The following SLC4A4 variants were observed in gnomAD, a reference collection of about 807,000 sequenced individuals.
SLC4A4 encodes solute carrier family 4 member 4, also known as electrogenic sodium bicarbonate cotransporter 1.
Under a neutral mutation model 111.5 loss-of-function variants are expected in SLC4A4, and 27 were observed. The ratio of observed to expected loss-of-function variants is 0.24; its 90% CI spans 0.18 to 0.33. SLC4A4 has a LOEUF of 0.33. Among genes scored for constraint, SLC4A4 ranks in the 10% least tolerant of loss-of-function variants. SLC4A4 has a pLI of 1.00. For missense variants in SLC4A4, 909 were observed against 1,315.5 expected (o/e 0.69, Z 4.78); for synonymous variants, 443 against 463.4 (o/e 0.96, Z 0.57).
At chr4:71,428,443 G>A (rs1338371414) in intron 7 of SLC4A4, among the ~76,000 whole-genome samples, 1 of 152,010 alleles carries the variant, frequency 6.6e-6, no homozygotes, top group African/African-American at 2.4e-5. Flanking sequence ...GGACAATAGG[G>A]TAAACTGGGA....
chr4:71,369,114 C>T (rs770679605), intron 6 of SLC4A4, among the ~76,000 whole-genome samples: 10 of 152,150 alleles, frequency 6.6e-5, no homozygotes, highest in Admixed American at 3.3e-4. Context: ...CCGAGTGCGG[C>T]GCACTCCCAG....
At chr4:71,312,727 T>C (rs893704959) in intron 3 of SLC4A4, among the ~76,000 whole-genome samples, 1 of 152,190 alleles carries the variant, frequency 6.6e-6, no homozygotes, top group Non-Finnish European at 1.5e-5. Flanking sequence ...CAACACCCCT[T>C]CATACTAAAA....
At chr4:71,103,004 G>T (rs1480039063) in intron 2 of SLC4A4, among the ~76,000 whole-genome samples, 3 of 149,674 alleles carry the variant, frequency 2.0e-5, no homozygotes, top group Admixed American at 6.6e-5. Context: ...AGACCCATCA[G>T]TGTGCTGTAT....
At chr4:71,097,730 A>G (rs1742599218) in intron 2 of SLC4A4, among the ~76,000 whole-genome samples, 1 of 152,054 alleles carries the variant, frequency 6.6e-6, no homozygotes, top group South Asian at 2.1e-4. Flanking sequence ...GATTGGTGTA[A>G]GGTGGTATTT....
Position 71,194,589 on chromosome 4 carries a change from T to C in SLC4A4, c.-2+7188T>C, listed in dbSNP as rs547353059. 4.6e-5 allele frequency among the ~76,000 whole-genome samples: 7 copies of C among 152,312 alleles called. No individual in the cohort carries two copies. In the South Asian group the frequency reaches 1.4e-3, roughly 32 times the overall value. On this transcript the variant is annotated intron_variant, in intron 1 of 25. Coordinates refer to ENST00000264485, the MANE Select transcript of SLC4A4 (RefSeq NM_001098484.3). ...CAGTTTGAGATCACCCATTTCTATA[T>C]AGTTCATATTGAATTTATGCCTCCA...
chr4:71,147,179 T>A (rs1744199120), intron 2 of SLC4A4, among the ~76,000 whole-genome samples: 1 of 152,222 alleles, frequency 6.6e-6, no homozygotes, highest in East Asian at 1.9e-4. Context: ...TTTCTCTCTT[T>A]TTTGAGAGAA....
intron 13 of SLC4A4, among the ~76,000 whole-genome samples, chr4:71,470,265 T>A (rs963696164): frequency 4.6e-5 from 7 of 151,914 alleles, no homozygotes; most frequent in Admixed American, 3.9e-4. Context: ...CAAAGCAAAC[T>A]GCAAAGGAAA....
intron 1 of SLC4A4, among the ~76,000 whole-genome samples, chr4:71,231,905 A>G (rs1719453952): frequency 6.6e-6 from 1 of 152,208 alleles, no homozygotes; most frequent in South Asian, 2.1e-4. Flanking sequence ...TAATAATAGC[A>G]AGCAACTGCT....
At chr4:71,358,043 G>A (rs571941439) in intron 6 of SLC4A4, among the ~76,000 whole-genome samples, 4 of 152,272 alleles carry the variant, frequency 2.6e-5, no homozygotes, top group Non-Finnish European at 5.9e-5. Flanking sequence ...GGCCGGGCGC[G>A]GTGGCTCATG....
In SLC4A4 at chr4:71,303,640, GCTTTTGTGTGA is replaced by G. The variant is rs1262180303; in HGVS notation, c.254-35725_254-35715del. Among the ~76,000 whole-genome samples the G allele has an allele frequency of 5.9e-5, 9 of 152,266 alleles. No homozygotes were observed. The East Asian group carries it at 1.7e-3, about 29-fold the overall frequency. On this transcript the variant is annotated intron_variant, in intron 3 of 25. Transcript: ENST00000264485. ...TTGTAATTCAGGATCAAAATCATAG[GCTTTTGTGTGA>G]CTTTGAAGTCTTCCTGCTCCTTCTA...
chr4:71,183,329 C>T (rs998291703), upstream of SLC4A4, among the ~76,000 whole-genome samples: 1 of 152,226 alleles, frequency 6.6e-6, no homozygotes, highest in Non-Finnish European at 1.5e-5. Flanking sequence ...ACTTGGGACA[C>T]ACGTTTAACC....
chr4:71,155,265 C>G (rs1224339808), intron 2 of SLC4A4, among the ~76,000 whole-genome samples: 1 of 152,044 alleles, frequency 6.6e-6, no homozygotes, highest in Non-Finnish European at 1.5e-5. Context: ...TCTTGTGGTT[C>G]TTTCATCTGT....
At chr4:71,141,353 T>A (rs150862542) in intron 2 of SLC4A4, among the ~76,000 whole-genome samples, 54 of 152,368 alleles carry the variant, frequency 3.5e-4, no homozygotes, top group Non-Finnish European at 5.7e-4. Context: ...TACAGAGCCA[T>A]GTTTACAAGG....
chr4:71,442,553 C>T (rs1724827231), intron 8 of SLC4A4, among the ~76,000 whole-genome samples: 1 of 152,082 alleles, frequency 6.6e-6, no homozygotes, highest in Admixed American at 6.6e-5. Flanking sequence ...ACAGTGGCTG[C>T]ATCCTGTGAA....
intron 10 of SLC4A4, 131 bp from the exon 11 acceptor site, chr4:71,451,057 G>A (rs1725717566): frequency 1.4e-6 from 1 of 710,182 alleles, no homozygotes; most frequent in South Asian, 1.5e-5. Context: ...CTGTTAGATA[G>A]CAGAAAGAAA....
chr4:71,324,081 T>C (rs1727321298), intron 3 of SLC4A4, among the ~76,000 whole-genome samples: 1 of 151,888 alleles, frequency 6.6e-6, no homozygotes, highest in Non-Finnish European at 1.5e-5. Context: ...CAGCAAATTC[T>C]TGGGATGTTA....
intron 12 of SLC4A4, among the ~76,000 whole-genome samples, chr4:71,457,551 A>G (rs1185416218): frequency 2.6e-5 from 4 of 152,104 alleles, no homozygotes; most frequent in Non-Finnish European, 5.9e-5. Flanking sequence ...TGGTACAGCA[A>G]TGGAGGACTA....
chr4:71,249,186 G>A (rs2149052997), intron 2 of SLC4A4, among the ~76,000 whole-genome samples: 1 of 152,054 alleles, frequency 6.6e-6, no homozygotes, highest in African/African-American at 2.4e-5. Flanking sequence ...GTATTTCCCT[G>A]TTTTTCATCA....
upstream of SLC4A4, among the ~76,000 whole-genome samples, chr4:71,182,773 C>T (rs767414341): frequency 6.6e-6 from 1 of 152,032 alleles, no homozygotes; most frequent in Non-Finnish European, 1.5e-5. Context: ...GTCCAAGGGC[C>T]CCAAGAGTCT....
Sources: allele counts gnomAD v4.1 joint callset (sites outside exome capture counted in the v4.1 genomes callset), GRCh38; gene constraint gnomAD v4.1.1; transcripts MANE v1.5; gene names NCBI Gene and HGNC (gene_info 2026-07-23, HGNC 2026-07-21).